Variants in YIPF6 observed in about 807,000 individuals in gnomAD.
The protein encoded by YIPF6 is Yip1 domain family member 6, also known as protein YIPF6.
Under a neutral mutation model 16.8 loss-of-function variants are expected in YIPF6, and 3 were observed. The observed-to-expected ratio is 0.18, with a 90% CI of 0.08 to 0.46. The LOEUF (loss-of-function observed/expected upper bound fraction) is 0.46, where lower values mean the gene tolerates loss of function less well. Among genes scored for constraint, YIPF6 ranks in the 20% least tolerant of loss-of-function variants. YIPF6 has a pLI of 0.98. For missense variants in YIPF6, 145 were observed against 184.9 expected (o/e 0.78, Z 1.25); for synonymous variants, 67 against 61.9 (o/e 1.08, Z -0.38).
chrX:68,524,998 T>C (rs767667641), intron 6 of YIPF6, among the ~76,000 whole-genome samples: 1 of 111,742 alleles, frequency 8.9e-6, no homozygotes, highest in South Asian at 3.7e-4. Flanking sequence ...TTTATAGTAT[T>C]ACCCAGTAAT....
At chrX:68,521,697 C>T (rs1210748562) in intron 5 of YIPF6, among the ~76,000 whole-genome samples, 200 bp downstream of exon 5, 1 of 108,696 alleles carries the variant, frequency 9.2e-6, no homozygotes, top group Non-Finnish European at 1.9e-5. Context: ...CTGGGATCCT[C>T]CTGCCCCAGC....
rs1602473776 is a variant in YIPF6 at position 68,532,579 on chromosome X, G to A, written c.*580G>A. Reference sequence around the variant, plus strand: ...TAACCAATATTCAGATTTTGATCAGGGGAAATTCTACACTTGTTGCAAAAA... The same window carrying A: ...TAACCAATATTCAGATTTTGATCAGAGGAAATTCTACACTTGTTGCAAAAA... On this transcript the variant is annotated 3_prime_UTR_variant, in exon 7 of 7. Transcript: ENST00000462683. The A allele has an allele frequency of 9.7e-6, 1 of 103,557 alleles. No individual in the cohort carries two copies. Among genetic ancestry groups the A allele is most frequent in the East Asian group, 3.0e-4 (1 of 3,348 alleles). 8.5% of individuals were successfully genotyped at this position (103,557 alleles called of 1,213,427 possible). A position where few individuals can be genotyped will look rare whatever the true frequency, so the allele number is the denominator to read the frequency against.
chrX:68,528,931 T>C (rs1602470811), intron 6 of YIPF6, among the ~76,000 whole-genome samples: 1 of 111,530 alleles, frequency 9.0e-6, no homozygotes, highest in East Asian at 2.8e-4. Context: ...CATTTCAGAT[T>C]GGTGAATCTG....
chrX:68,511,672 G>A lies in YIPF6; in HGVS notation c.58-177G>A, dbSNP rs1192380458. 4.5e-5 allele frequency: 18 copies of A among 403,746 alleles called. No homozygotes were observed. The East Asian group carries it at 8.3e-4, about 19-fold the overall frequency. 33.3% of individuals were successfully genotyped at this position (403,746 alleles called of 1,213,427 possible). On this transcript the variant is annotated intron_variant, in intron 1 of 6. Transcript: ENST00000462683. Reference sequence around the variant, plus strand: ...TTTTTCATTATGTTTAATCTTTAAAGAAATAAATTTGAGGATTATTGTTAA... The same window carrying A: ...TTTTTCATTATGTTTAATCTTTAAAAAAATAAATTTGAGGATTATTGTTAA...
At chrX:68,512,654 G>C (rs868349000) in intron 2 of YIPF6, among the ~76,000 whole-genome samples, 9 of 111,275 alleles carry the variant, frequency 8.1e-5, no homozygotes, top group Non-Finnish European at 1.7e-4. Flanking sequence ...ATGAGGTATT[G>C]GTTAGGTAAA....
chrX:68,507,160 A>G (rs1425506244), intron 1 of YIPF6, among the ~76,000 whole-genome samples: 1 of 112,040 alleles, frequency 8.9e-6, no homozygotes, highest in Non-Finnish European at 1.9e-5. Context: ...AGCAGTTGCA[A>G]CAGAAACCAT....
intron 1 of YIPF6, among the ~76,000 whole-genome samples, chrX:68,501,141 A>G (rs888564094): frequency 1.1e-4 from 12 of 112,193 alleles, no homozygotes; most frequent in African/African-American, 3.6e-4. Context: ...GCTGTAGGGA[A>G]TGCAAAGGGC....
chrX:68,504,291 A>G (rs1449481051), intron 1 of YIPF6, among the ~76,000 whole-genome samples: 1 of 111,022 alleles, frequency 9.0e-6, no homozygotes, highest in African/African-American at 3.3e-5. Context: ...TATAGTTTTT[A>G]TTGGGGTTTC....
Position 68,513,019 on chromosome X carries a change from A to G in YIPF6, c.187-308A>G, listed in dbSNP as rs767999295. Among the ~76,000 whole-genome samples, 13 of 111,533 alleles carry G rather than the reference A, an allele frequency of 1.2e-4. No individual in the cohort carries two copies. The South Asian group carries it at 4.1e-3, about 35-fold the overall frequency. ...TTGTAGAGCAGCTTTTTATAGTACA[A>G]TTGTTTTAGTTTCTTTAAGCAGCCT... is the stretch of plus-strand genomic sequence containing the variant. On this transcript the variant is annotated intron_variant, in intron 2 of 6. Transcript: ENST00000462683.
In YIPF6 at chrX:68,537,102, C is replaced by T. The variant is rs1489796010; in HGVS notation, c.*5103C>T. 8.9e-6 allele frequency: 1 copy of T among 112,116 alleles called. No homozygotes were observed. Among genetic ancestry groups the T allele is most frequent in the Non-Finnish European group, 1.9e-5 (1 of 53,249 alleles). The allele number at this position is 112,116 out of a possible 1,213,427, so 9.2% of individuals were successfully genotyped here. The stretch of plus-strand genomic sequence containing the variant: ...TGGGAAGTGGCCACACGCTGCACTG[C>T]GCTGCTCTTGTTTACTCTGTTCTTT... On this transcript the variant is annotated 3_prime_UTR_variant, in exon 7 of 7. Transcript: ENST00000462683.
intron 3 of YIPF6, chrX:68,515,137 T>C (rs1214570676): frequency 9.3e-6 from 1 of 107,819 alleles, no homozygotes; most frequent in Non-Finnish European, 1.9e-5. Flanking sequence ...CCATCCTGGC[T>C]AACACGGTGA....
chrX:68,505,865 T>C (rs1313234957), intron 1 of YIPF6, among the ~76,000 whole-genome samples: 1 of 111,968 alleles, frequency 8.9e-6, no homozygotes, highest in Non-Finnish European at 1.9e-5. Context: ...AATGCTAACG[T>C]TGTACATAAG....
intron 6 of YIPF6, among the ~76,000 whole-genome samples, chrX:68,530,673 C>T (rs942738745): frequency 1.8e-5 from 2 of 110,472 alleles, no homozygotes. Flanking sequence ...TGGAATGCAC[C>T]GTTCCTCATG....
chrX:68,525,957 TG>T (rs1403226784), intron 6 of YIPF6, among the ~76,000 whole-genome samples: 1 of 112,052 alleles, frequency 8.9e-6, no homozygotes, highest in African/African-American at 3.2e-5. Context: ...AGGATTGTCT[TG>T]GCTATATGGG....
In YIPF6 at chrX:68,513,315, T is replaced by C; in HGVS notation, c.187-12T>C. On this transcript the variant is annotated splice_polypyrimidine_tract_variant and intron_variant, in intron 2 of 6. Coordinates refer to ENST00000462683, the MANE Select transcript of YIPF6 (RefSeq NM_173834.4). ...GGTCATCACAATACAACAAGTTGTT[T>C]CTGTCTTTCAGATGCGTGATCTAAA... is the stretch of plus-strand genomic sequence containing the variant. 1 of 1,196,730 alleles carries C rather than the reference T, an allele frequency of 8.4e-7. No homozygotes were observed. The highest frequency in any genetic ancestry group is 1.8e-5 in the South Asian group (1 of 54,534).
intron 6 of YIPF6, among the ~76,000 whole-genome samples, chrX:68,524,589 G>T (rs2079139892): frequency 9.2e-6 from 1 of 108,977 alleles, no homozygotes; most frequent in African/African-American, 3.4e-5. Context: ...TGTTACATAG[G>T]TATACACATG....
At chrX:68,521,080 T>C (rs915438286) in intron 4 of YIPF6, among the ~76,000 whole-genome samples, 2 of 111,621 alleles carry the variant, frequency 1.8e-5, no homozygotes, top group Non-Finnish European at 3.8e-5. Context: ...ATGAGCCACA[T>C]TTGACCCTTC....
chrX:68,525,467 G>C (rs2079143931), intron 6 of YIPF6, among the ~76,000 whole-genome samples: 1 of 111,930 alleles, frequency 8.9e-6, no homozygotes, highest in Non-Finnish European at 1.9e-5. Context: ...TTCTTTTGCT[G>C]TGCAGAAGCT....
At chrX:68,530,722 G>A (rs1379048906) in intron 6 of YIPF6, among the ~76,000 whole-genome samples, 5 of 110,632 alleles carry the variant, frequency 4.5e-5, no homozygotes, top group Non-Finnish European at 7.6e-5. Context: ...AGGGTAGGGA[G>A]TTCCCCGACC....
Sources: allele counts gnomAD v4.1 joint callset (sites outside exome capture counted in the v4.1 genomes callset), GRCh38; gene constraint gnomAD v4.1.1; transcripts MANE v1.5; gene names NCBI Gene and HGNC (gene_info 2026-07-23, HGNC 2026-07-21).